The following FSHR variants were observed in gnomAD, a reference collection of about 807,000 sequenced individuals.
FSHR encodes follicle stimulating hormone receptor.
FSHR carries 46 observed loss-of-function variants against 52.1 expected under a neutral mutation model. That is an observed-to-expected ratio of 0.88 (90% confidence interval 0.70 to 1.13). The LOEUF (loss-of-function observed/expected upper bound fraction) is 1.13, where lower values mean the gene tolerates loss of function less well. Ranked by LOEUF, FSHR falls within the 50% of genes most tolerant of loss-of-function variation. The pLI is 0.00. For synonymous variants in FSHR, 399 were observed against 309.6 expected (o/e 1.29, Z -3.03); for missense variants, 964 against 834.6 (o/e 1.16, Z -1.91).
At chr2:48,982,177 C>G (rs921454731) in intron 8 of FSHR, among the ~76,000 whole-genome samples, 2 of 152,126 alleles carry the variant, frequency 1.3e-5, no homozygotes, top group Non-Finnish European at 2.9e-5. Flanking sequence ...GAAGAAGTCA[C>G]TGATGGCGAG....
At chr2:49,048,310 AC>A (rs1558410059) in intron 2 of FSHR, among the ~76,000 whole-genome samples, 3 of 152,280 alleles carry the variant, frequency 2.0e-5, no homozygotes, top group Admixed American at 6.5e-5. Flanking sequence ...TAGAAAAAAA[AC>A]CTGGGGCTCT....
chr2:49,139,200 C>T (rs1225329102), intron 1 of FSHR, among the ~76,000 whole-genome samples: 4 of 152,126 alleles, frequency 2.6e-5, no homozygotes, highest in Non-Finnish European at 4.4e-5. Flanking sequence ...CCACATAGAA[C>T]TTTAAAAAGG....
chr2:49,109,294 T>C (rs776997768), intron 1 of FSHR, among the ~76,000 whole-genome samples: 1 of 151,856 alleles, frequency 6.6e-6, no homozygotes, highest in African/African-American at 2.4e-5. Flanking sequence ...AAAGAGACAC[T>C]TGAGAGGGGA....
intron 8 of FSHR, among the ~76,000 whole-genome samples, chr2:48,970,138 A>G (rs112207677): frequency 1.3e-5 from 2 of 152,204 alleles, no homozygotes; most frequent in African/African-American, 4.8e-5. Context: ...TGTTCTCACA[A>G]TCTGGTGAAA....
At chr2:49,056,794 A>G (rs72877877) in intron 2 of FSHR, among the ~76,000 whole-genome samples, 5,908 of 152,122 alleles carry the variant, frequency 0.039, 402 homozygotes, top group African/African-American at 0.14. Context: ...AATTTTAAAA[A>G]TATCAAAATT....
intron 6 of FSHR, among the ~76,000 whole-genome samples, chr2:48,984,523 A>G: frequency 6.6e-6 from 1 of 152,234 alleles, no homozygotes; most frequent in East Asian, 1.9e-4. Flanking sequence ...TAAGTACTTT[A>G]TGTACTTATA....
rs774722399 is a variant in FSHR, at chr2:48,963,494, C to A, written c.1327G>T (p.Asp443Tyr). Reference protein sequence around the residue: ...AIDWQTGAGCDAAGFFTVFAS... With the variant: ...AIDWQTGAGCYAAGFFTVFAS... The stretch of plus-strand genomic sequence containing the variant: ...AAGACAGTGAAAAAGCCAGCAGCAT[C>A]ACAGCCTGCCCCAGTTTGCCAGTCA... Residue 443 changes from aspartate to tyrosine, a missense_variant, in exon 10 of 10, where the codon GAT (aspartate) becomes TAT (tyrosine). Coordinates refer to ENST00000406846, the MANE Select transcript of FSHR (RefSeq NM_000145.4). 3 of 1,614,190 alleles carry A rather than the reference C, an allele frequency of 1.9e-6. No homozygotes were observed. Among genetic ancestry groups the A allele is most frequent in the East Asian group, 2.2e-5 (1 of 44,876 alleles).
intron 2 of FSHR, 92 bp from the exon 3 acceptor site, chr2:49,020,252 T>C: frequency 2.8e-6 from 3 of 1,083,282 alleles, no homozygotes; most frequent in South Asian, 2.5e-5. Flanking sequence ...TCTGGGAGGA[T>C]TCACAAGACA....
At chr2:48,982,302 A>C (rs949518531) in intron 8 of FSHR, among the ~76,000 whole-genome samples, 1 of 152,150 alleles carries the variant, frequency 6.6e-6, no homozygotes, top group Non-Finnish European at 1.5e-5. Context: ...GATGGAAGTA[A>C]GGAAATGACA....
intron 4 of FSHR, among the ~76,000 whole-genome samples, chr2:49,009,384 A>G (rs1477437593): frequency 5.3e-5 from 8 of 151,912 alleles, no homozygotes; most frequent in Non-Finnish European, 7.4e-5. Flanking sequence ...CCATTGATCT[A>G]TATCTCTGTT....
chr2:49,041,048 G>A (rs1668462423), intron 2 of FSHR, among the ~76,000 whole-genome samples: 4 of 152,144 alleles, frequency 2.6e-5, no homozygotes, highest in Admixed American at 1.3e-4. Context: ...CTTTGCATTT[G>A]GAATTATTTT....
At chr2:49,048,826 T>C (rs1362947569) in intron 2 of FSHR, among the ~76,000 whole-genome samples, 1 of 152,170 alleles carries the variant, frequency 6.6e-6, no homozygotes, top group Non-Finnish European at 1.5e-5. Flanking sequence ...ATCTGAGCAC[T>C]GCAGGGGAGG....
chr2:49,078,210 A>G (rs949738508), intron 1 of FSHR, among the ~76,000 whole-genome samples: 1 of 152,228 alleles, frequency 6.6e-6, no homozygotes, highest in African/African-American at 2.4e-5. Flanking sequence ...GTGGAAAGCA[A>G]GGAGGAGCAA....
intron 4 of FSHR, chr2:49,014,870 G>A (rs1279478642): frequency 2.1e-6 from 1 of 468,164 alleles, no homozygotes; most frequent in Non-Finnish European, 4.4e-6. Context: ...GTCCTAGAGA[G>A]CATTTGTTCT....
chr2:49,109,427 T>C (rs1671347738), intron 1 of FSHR, among the ~76,000 whole-genome samples: 1 of 152,212 alleles, frequency 6.6e-6, no homozygotes, highest in Non-Finnish European at 1.5e-5. Flanking sequence ...GCCAGATTTA[T>C]GCTCTTTCAT....
chr2:49,086,040 C>A (rs530277086), intron 1 of FSHR, among the ~76,000 whole-genome samples: 3 of 152,046 alleles, frequency 2.0e-5, no homozygotes, highest in African/African-American at 7.2e-5. Flanking sequence ...GTGCAGCACA[C>A]CAACATGGCA....
intron 1 of FSHR, among the ~76,000 whole-genome samples, chr2:49,148,063 A>T (rs1038591199): frequency 6.6e-6 from 1 of 152,002 alleles, no homozygotes; most frequent in African/African-American, 2.4e-5. Flanking sequence ...ATCTGACCTT[A>T]ATTGGCAAAA....
chr2:49,082,227 C>T (rs1164581354), intron 1 of FSHR, among the ~76,000 whole-genome samples: 3 of 152,184 alleles, frequency 2.0e-5, no homozygotes, highest in African/African-American at 4.8e-5. Flanking sequence ...CACCCCCCAG[C>T]AGGGGCAGAC....
At chr2:49,079,425 TA>T (rs1670079622) in intron 1 of FSHR, among the ~76,000 whole-genome samples, 1 of 152,108 alleles carries the variant, frequency 6.6e-6, no homozygotes, top group African/African-American at 2.4e-5. Context: ...GAGCAAGTTT[TA>T]AAGAAAAGCT....
Sources: gnomAD v4.1 joint callset for allele counts (sites outside exome capture counted in the v4.1 genomes callset) on GRCh38, gnomAD v4.1.1 for gene constraint, MANE v1.5 for transcripts, NCBI Gene and HGNC (gene_info 2026-07-23, HGNC 2026-07-21) for gene names.